The following MACROD2 variants were observed in gnomAD, a reference collection of about 807,000 sequenced individuals.
MACROD2 encodes mono-ADP ribosylhydrolase 2.
A neutral mutation model predicts 70.4 loss-of-function variants in MACROD2; 36 were observed. The ratio of observed to expected loss-of-function variants is 0.51; its 90% CI spans 0.39 to 0.68. MACROD2 has a LOEUF of 0.68. Ranked by LOEUF, MACROD2 falls within the 30% of genes least tolerant of loss-of-function variation. MACROD2 has a pLI of 0.00. For synonymous variants in MACROD2, 172 were observed against 178.8 expected (o/e 0.96, Z 0.30); for missense variants, 496 against 538.4 (o/e 0.92, Z 0.78).
At chr20:15,484,793 G>T (rs1340952506) in intron 7 of MACROD2, among the ~76,000 whole-genome samples, 1 of 152,160 alleles carries the variant, frequency 6.6e-6, no homozygotes, top group Non-Finnish European at 1.5e-5. Flanking sequence ...CCATCATTCA[G>T]ACTGGTCCAC....
At chr20:15,210,080 A>ATC (rs764597607) in intron 5 of MACROD2, among the ~76,000 whole-genome samples, 2 of 152,138 alleles carry the variant, frequency 1.3e-5, no homozygotes, top group African/African-American at 2.4e-5. Flanking sequence ...ACTGTAGTTC[A>ATC]TCTCTCTCTC....
intron 15 of MACROD2, among the ~76,000 whole-genome samples, chr20:16,025,869 G>A (rs939624555): frequency 7.9e-5 from 12 of 152,092 alleles, no homozygotes; most frequent in African/African-American, 2.9e-4. Flanking sequence ...GAATTGGCCG[G>A]GCATGGTGGC....
intron 6 of MACROD2, among the ~76,000 whole-genome samples, chr20:15,373,357 TGA>T (rs1237266965): frequency 4.6e-5 from 7 of 152,186 alleles, no homozygotes; most frequent in Admixed American, 4.6e-4. Flanking sequence ...TAAATATTCT[TGA>T]GATTTTCTCT....
intron 5 of MACROD2, among the ~76,000 whole-genome samples, chr20:14,999,047 T>C (rs935738469): frequency 2.6e-5 from 4 of 152,190 alleles, no homozygotes; most frequent in Admixed American, 6.5e-5. Flanking sequence ...GAAAATATCC[T>C]TCAAACATGA....
rs542880126 is a variant in MACROD2 at position 14,594,786 on chromosome 20, G to A, written c.302-90057G>A. Among the ~76,000 whole-genome samples, 333 of 152,244 alleles carry A rather than the reference G, an allele frequency of 2.2e-3. 1 individual carries two copies. Among genetic ancestry groups the A allele is most frequent in the Admixed American group, 3.9e-3 (59 of 15,298 alleles). ...GTGTACCTATAGACCCAGATACTCG[G>A]GATGCTGAGGCAGGAGAATCGCTTG... On this transcript the variant is annotated intron_variant, in intron 4 of 17. Transcript: ENST00000684519.
chr20:15,376,389 A>G (rs2045562393), intron 6 of MACROD2, among the ~76,000 whole-genome samples: 1 of 152,188 alleles, frequency 6.6e-6, no homozygotes. Flanking sequence ...GAAGAAGGAC[A>G]GACCTCAATA....
chr20:15,095,221 C>T (rs2050099), intron 5 of MACROD2, among the ~76,000 whole-genome samples: 54,997 of 150,792 alleles, frequency 0.36, 10,570 homozygotes, highest in African/African-American at 0.47. Context: ...GGATTACAGG[C>T]GCCCGCCACC....
chr20:14,005,075 G>C (rs557183150), intron 2 of MACROD2, among the ~76,000 whole-genome samples: 3 of 152,142 alleles, frequency 2.0e-5, no homozygotes, highest in Admixed American at 6.5e-5. Context: ...AAAAAGAGGG[G>C]AGCAGCCAAA....
intron 4 of MACROD2, among the ~76,000 whole-genome samples, chr20:14,680,972 A>T (rs765510509): frequency 1.3e-5 from 2 of 152,210 alleles, no homozygotes; most frequent in African/African-American, 2.4e-5. Flanking sequence ...GACAACAAAA[A>T]TTAGCAAAAG....
At chr20:14,263,288 T>G (rs1244942142) in intron 3 of MACROD2, among the ~76,000 whole-genome samples, 1 of 152,144 alleles carries the variant, frequency 6.6e-6, no homozygotes, top group Non-Finnish European at 1.5e-5. Flanking sequence ...ATTGGAAAGC[T>G]AAATAGGGAA....
intron 8 of MACROD2, among the ~76,000 whole-genome samples, chr20:15,669,679 G>A (rs1310026613): frequency 6.6e-6 from 1 of 152,194 alleles, no homozygotes; most frequent in African/African-American, 2.4e-5. Context: ...TAGGGAATTT[G>A]CCTGGCAAGA....
intron 5 of MACROD2, among the ~76,000 whole-genome samples, chr20:15,095,064 CTTTTTTTTTTTTTTTTTTTTTT>C (rs373794823): frequency 0.037 from 3,332 of 89,484 alleles, 125 homozygotes; most frequent in South Asian, 0.1. Flanking sequence ...GTCTCCTCTT[CTTTTTTTTTTTTTTTTTTTTTT>C]TTTTTTTTTA....
At chr20:14,637,197 A>T (rs1984831476) in intron 4 of MACROD2, among the ~76,000 whole-genome samples, 1 of 152,130 alleles carries the variant, frequency 6.6e-6, no homozygotes, top group African/African-American at 2.4e-5. Flanking sequence ...GCCGTTCTAT[A>T]CTGGTTTGAA....
intron 5 of MACROD2, among the ~76,000 whole-genome samples, chr20:15,186,902 T>C (rs892476522): frequency 1.3e-5 from 2 of 152,224 alleles, no homozygotes; most frequent in Non-Finnish European, 2.9e-5. Flanking sequence ...ATTTTATTCA[T>C]GTGCTAATCA....
At chr20:15,644,054 C>T (rs1201250828) in intron 8 of MACROD2, among the ~76,000 whole-genome samples, 4 of 152,156 alleles carry the variant, frequency 2.6e-5, no homozygotes, top group Admixed American at 2.6e-4. Context: ...ACCATACCTA[C>T]TTATAAGCTG....
intron 5 of MACROD2, among the ~76,000 whole-genome samples, chr20:14,928,687 A>G (rs778059768): frequency 1.1e-4 from 16 of 152,184 alleles, no homozygotes; most frequent in Non-Finnish European, 1.9e-4. Flanking sequence ...ATGATGCCAC[A>G]TGGTAGCTGA....
At chr20:14,911,975 C>T (rs192652780) in intron 5 of MACROD2, among the ~76,000 whole-genome samples, 3 of 152,290 alleles carry the variant, frequency 2.0e-5, no homozygotes, top group African/African-American at 4.8e-5. Context: ...GACCAACACC[C>T]TGTCTAATTC....
chr20:15,937,686 C>T, intron 12 of MACROD2, 142 bp downstream of exon 12: 2 of 614,400 alleles, frequency 3.3e-6, no homozygotes, highest in Non-Finnish European at 2.9e-6. Context: ...ATTGACTACA[C>T]CACCTACTCT....
At chr20:15,795,811 A>G (rs1168010848) in intron 8 of MACROD2, among the ~76,000 whole-genome samples, 1 of 152,148 alleles carries the variant, frequency 6.6e-6, no homozygotes, top group Admixed American at 6.5e-5. Flanking sequence ...CGACTGTGGG[A>G]ACATCCGTTG....
Sources: gnomAD v4.1 joint callset for allele counts (sites outside exome capture counted in the v4.1 genomes callset) on GRCh38, gnomAD v4.1.1 for gene constraint, MANE v1.5 for transcripts, NCBI Gene and HGNC (gene_info 2026-07-23, HGNC 2026-07-21) for gene names.